KCNMB2: variants seen among roughly 807,000 people sequenced by gnomAD.
The protein encoded by KCNMB2 is potassium calcium-activated channel subfamily M regulatory beta subunit 2, also known as calcium-activated potassium channel subunit beta-2.
KCNMB2 carries 9 observed loss-of-function variants against 24.5 expected under a neutral mutation model. The ratio of observed to expected loss-of-function variants is 0.37; its 90% CI spans 0.22 to 0.64. The LOEUF is 0.64. KCNMB2 is among the 30% of genes least tolerant of loss of function. KCNMB2 has a pLI of 0.63. For missense variants in KCNMB2, 226 were observed against 284.3 expected (o/e 0.79, Z 1.47); for synonymous variants, 109 against 104.4 (o/e 1.04, Z -0.27).
rs538800715 is a variant in KCNMB2, at chr3:178,574,905, T to TA, written c.-68+38199dup. 9.9e-5 allele frequency among the ~76,000 whole-genome samples: 15 copies of TA among 152,116 alleles called. No individual in the cohort carries two copies. The South Asian group carries it at 3.1e-3, about 32-fold the overall frequency. The stretch of plus-strand genomic sequence containing the variant: ...CAACATGCTGAAACCCCGTCTCTAC[T>TA]AAAAATGCAAAAACTAGCCAGGCAT... On this transcript the variant is annotated intron_variant, in intron 1 of 4. Coordinates refer to ENST00000452583, the MANE Select transcript of KCNMB2 (RefSeq NM_181361.3).
At chr3:178,687,617 C>T (rs576602855) in intron 1 of KCNMB2, among the ~76,000 whole-genome samples, 49 of 152,218 alleles carry the variant, frequency 3.2e-4, no homozygotes, top group African/African-American at 1.2e-3. Flanking sequence ...TGGAGGTAAC[C>T]AGGGCTTTGT....
In KCNMB2 at chr3:178,707,549, T is replaced by A. The variant is rs571591242; in HGVS notation, c.-67-99794T>A. Reference sequence around the variant, plus strand: ...CAAGTGGTGATTACCTCACAGTAATTCTGCACTTGGCTGCCCATTAAAACC... The same window carrying A: ...CAAGTGGTGATTACCTCACAGTAATACTGCACTTGGCTGCCCATTAAAACC... On this transcript the variant is annotated intron_variant, in intron 1 of 4. Transcript: ENST00000452583. Among the ~76,000 whole-genome samples, 5 of 152,260 alleles carry A rather than the reference T, an allele frequency of 3.3e-5. No homozygotes were observed. The East Asian group carries it at 9.6e-4, about 29-fold the overall frequency.
At chr3:178,701,603 T>C (rs1168141526) in intron 1 of KCNMB2, among the ~76,000 whole-genome samples, 3 of 151,262 alleles carry the variant, frequency 2.0e-5, no homozygotes, top group South Asian at 2.1e-4. Context: ...AAAAAGTGGG[T>C]GAAGGATACG....
chr3:178,803,415 T>G (rs762598302), intron 1 of KCNMB2, among the ~76,000 whole-genome samples: 1 of 152,238 alleles, frequency 6.6e-6, no homozygotes, highest in Non-Finnish European at 1.5e-5. Context: ...TGAAAGACAG[T>G]GCAAGCTAAG....
intron 1 of KCNMB2, among the ~76,000 whole-genome samples, chr3:178,585,592 G>T (rs754644212): frequency 3.3e-5 from 5 of 152,156 alleles, no homozygotes; most frequent in Non-Finnish European, 7.4e-5. Flanking sequence ...CTGGGTATTT[G>T]AATATACCAA....
In KCNMB2 at chr3:178,706,830, T is replaced by A. The variant is rs541281021; in HGVS notation, c.-67-100513T>A. Among the ~76,000 whole-genome samples the A allele has an allele frequency of 5.3e-5, 8 of 152,236 alleles. No individual in the cohort carries two copies. The South Asian group carries it at 1.5e-3, about 28-fold the overall frequency. On this transcript the variant is annotated intron_variant, in intron 1 of 4. Coordinates refer to ENST00000452583, the MANE Select transcript of KCNMB2 (RefSeq NM_181361.3). Reference sequence around the variant, plus strand: ...CTCCTCTACCAAAGAAGCTTTACAGTTAGCTTGACTTATTTACCATATCAA... The same window carrying A: ...CTCCTCTACCAAAGAAGCTTTACAGATAGCTTGACTTATTTACCATATCAA...
intron 1 of KCNMB2, among the ~76,000 whole-genome samples, chr3:178,789,506 A>AG (rs1221386984): frequency 6.6e-6 from 1 of 152,240 alleles, no homozygotes; most frequent in African/African-American, 2.4e-5. Context: ...CGCATTGAAA[A>AG]GGGTAGGAAA....
At chr3:178,601,236 C>G (rs971078923) in intron 1 of KCNMB2, among the ~76,000 whole-genome samples, 1 of 151,970 alleles carries the variant, frequency 6.6e-6, no homozygotes, top group Non-Finnish European at 1.5e-5. Flanking sequence ...AGGACAAATA[C>G]CTAATGCAGA....
chr3:178,627,986 T>C (rs1486113268), intron 1 of KCNMB2, among the ~76,000 whole-genome samples: 1 of 152,174 alleles, frequency 6.6e-6, no homozygotes. Flanking sequence ...TCCTGGCTAA[T>C]GACAATGAGC....
chr3:178,836,723 A>G (rs1241155970), intron 4 of KCNMB2, among the ~76,000 whole-genome samples: 1 of 152,098 alleles, frequency 6.6e-6, no homozygotes. Flanking sequence ...TTGTATATAT[A>G]AAATTATTAC....
intron 1 of KCNMB2, among the ~76,000 whole-genome samples, chr3:178,555,491 G>A (rs1326002494): frequency 2.0e-5 from 3 of 152,140 alleles, no homozygotes; most frequent in Admixed American, 2.0e-4. Context: ...AGGTCTTTTG[G>A]GAAGTTTGAA....
At chr3:178,816,874 T>C (rs1246739663) in intron 2 of KCNMB2, among the ~76,000 whole-genome samples, 2 of 152,136 alleles carry the variant, frequency 1.3e-5, no homozygotes, top group African/African-American at 4.8e-5. Flanking sequence ...TCTCCCTAGG[T>C]TATAACACCC....
At chr3:178,721,295 C>T (rs1050873995) in intron 1 of KCNMB2, among the ~76,000 whole-genome samples, 6 of 152,160 alleles carry the variant, frequency 3.9e-5, no homozygotes, top group African/African-American at 1.4e-4. Flanking sequence ...AGATATGCGG[C>T]GTTATTTCTG....
At chr3:178,634,540 C>T (rs1169554426) in intron 1 of KCNMB2, among the ~76,000 whole-genome samples, 1 of 152,088 alleles carries the variant, frequency 6.6e-6, no homozygotes, top group East Asian at 1.9e-4. Flanking sequence ...ATCATGAGAA[C>T]AGCATGGAGG....
intron 1 of KCNMB2, among the ~76,000 whole-genome samples, chr3:178,642,822 A>G (rs1303051391): frequency 1.3e-5 from 2 of 152,220 alleles, no homozygotes; most frequent in Non-Finnish European, 2.9e-5. Flanking sequence ...CTACTTCTTC[A>G]TCATTCAAAT....
chr3:178,684,910 T>C (rs1721408778), intron 1 of KCNMB2, among the ~76,000 whole-genome samples: 1 of 152,236 alleles, frequency 6.6e-6, no homozygotes, highest in Non-Finnish European at 1.5e-5. Flanking sequence ...ATAACATCAT[T>C]TTGTATACCT....
At chr3:178,745,697 A>G (rs2108382385) in intron 1 of KCNMB2, among the ~76,000 whole-genome samples, 1 of 152,344 alleles carries the variant, frequency 6.6e-6, no homozygotes. Flanking sequence ...TCCTAGATAC[A>G]ATGGGGGTAC....
chr3:178,812,553 A>G (rs953492287), intron 2 of KCNMB2, among the ~76,000 whole-genome samples: 1 of 151,970 alleles, frequency 6.6e-6, no homozygotes, highest in Non-Finnish European at 1.5e-5. Flanking sequence ...GTCCTACTCC[A>G]GTTTCAAATA....
At chr3:178,791,329 C>CT (rs1488977658) in intron 1 of KCNMB2, among the ~76,000 whole-genome samples, 5 of 152,184 alleles carry the variant, frequency 3.3e-5, no homozygotes, top group Non-Finnish European at 7.4e-5. Flanking sequence ...AAAAATTTAA[C>CT]TGACATACTG....
Sources: allele counts gnomAD v4.1 joint callset (sites outside exome capture counted in the v4.1 genomes callset), GRCh38; gene constraint gnomAD v4.1.1; transcripts MANE v1.5; gene names NCBI Gene and HGNC (gene_info 2026-07-23, HGNC 2026-07-21).